Variants in LARP4B observed in about 807,000 individuals in gnomAD.
LARP4B encodes la-related protein 4B.
LARP4B carries 12 observed loss-of-function variants against 89.8 expected under a neutral mutation model. The observed-to-expected ratio is 0.13, with a 90% CI of 0.09 to 0.22. LARP4B has a LOEUF of 0.22. Among genes scored for constraint, LARP4B ranks in the 10% least tolerant of loss-of-function variants. LARP4B has a pLI of 1.00. For missense variants in LARP4B, 757 were observed against 947.7 expected (o/e 0.80, Z 2.64); for synonymous variants, 367 against 363.3 (o/e 1.01, Z -0.12).
the LARP4B span, among the ~76,000 whole-genome samples, chr10:940,883 C>T: frequency 1.3e-5 from 2 of 151,722 alleles, no homozygotes; most frequent in Admixed American, 6.6e-5. Context: ...CTAAACACTG[C>T]AGAGAATGTT....
the LARP4B span, among the ~76,000 whole-genome samples, chr10:951,655 G>A: frequency 6.6e-6 from 1 of 152,184 alleles, no homozygotes; most frequent in African/African-American, 2.4e-5. Flanking sequence ...CCAGGGTGAT[G>A]TTGCATCCCA....
intron 5 of LARP4B, among the ~76,000 whole-genome samples, chr10:847,578 G>C (rs529800800): frequency 1.2e-3 from 186 of 151,718 alleles, no homozygotes; most frequent in African/African-American, 4.0e-3. Context: ...GAGTGCAGTA[G>C]CGCGATCTTG....
the LARP4B span, among the ~76,000 whole-genome samples, chr10:954,252 C>A: frequency 6.6e-6 from 1 of 152,108 alleles, no homozygotes; most frequent in East Asian, 1.9e-4. This position sits in a 1 kb window ranked among gnomAD's most constrained non-coding sequence, Gnocchi z 5.0. Context: ...TGTCCACCAG[C>A]CCGTCTTTTA....
chr10:894,357 T>C (rs977807245), intron 1 of LARP4B, among the ~76,000 whole-genome samples: 2 of 152,142 alleles, frequency 1.3e-5, no homozygotes, highest in African/African-American at 4.8e-5. Context: ...ATCATCTAAA[T>C]CCAAAATGTA....
At position 813,053 on chromosome 10, in the gene LARP4B, G is replaced by C. The variant is rs769904993; in HGVS notation, c.2090C>G (p.Pro697Arg). ...AEPAERYREP[P>R]ALKSTPGAPR... ...GGCTCCAGGTGTGGACTTGAGGGCT[G>C]GGGGCTCCCGGTATCTCTCTGCGGG... Residue 697 changes from proline to arginine, a missense_variant, in exon 18 of 18, where the codon CCA becomes CGA. Pro to Arg is a moderately radical substitution (Grantham distance 103). Transcript: ENST00000316157. 8 of 1,613,788 alleles carry C rather than the reference G, an allele frequency of 5.0e-6. No homozygotes were observed. The highest frequency in any genetic ancestry group is 4.2e-6 in the Non-Finnish European group (5 of 1,179,986).
At chr10:952,117 T>C in the LARP4B span, among the ~76,000 whole-genome samples, 1 of 151,362 alleles carries the variant, frequency 6.6e-6, no homozygotes, top group Non-Finnish European at 1.5e-5. Flanking sequence ...AGTGGGTGGA[T>C]CACAAGGTCA....
chr10:901,999 G>A (rs1564438275), intron 1 of LARP4B, among the ~76,000 whole-genome samples: 3 of 152,062 alleles, frequency 2.0e-5, no homozygotes, highest in African/African-American at 7.2e-5. Flanking sequence ...AATTTAGAAC[G>A]TGTCTACTAA....
chr10:849,697 C>T (rs566037489), intron 5 of LARP4B, among the ~76,000 whole-genome samples: 11 of 152,064 alleles, frequency 7.2e-5, no homozygotes, highest in Non-Finnish European at 1.2e-4. Flanking sequence ...AGTGAGAAAC[C>T]CAGTAAACAG....
At chr10:839,703 C>G (rs942967218) in intron 7 of LARP4B, among the ~76,000 whole-genome samples, 1 of 152,174 alleles carries the variant, frequency 6.6e-6, no homozygotes, top group African/African-American at 2.4e-5. Flanking sequence ...GGTGGCCAAC[C>G]GTAAAATGGT....
chr10:934,825 C>T (rs1221915872), upstream of LARP4B, among the ~76,000 whole-genome samples: 4 of 152,190 alleles, frequency 2.6e-5, no homozygotes, highest in African/African-American at 7.2e-5. Context: ...TCCTTCTCCC[C>T]GTCCCCCCAG....
In LARP4B at chr10:845,018, G is replaced by A. The variant is rs188259791; in HGVS notation, c.468C>T (p.Pro156=). Residue 156 remains proline (P), a synonymous_variant, in exon 6 of 18, where the codon CCC becomes CCT. Coordinates refer to ENST00000316157, the MANE Select transcript of LARP4B (RefSeq NM_015155.3). ...NESQPDSQED[P]REVLKKTLEF... ...CCAATGTTTTTTTAAGTACTTCTCG[G>A]GGGTCTTCCTGGCTGTCTGGTTGAG... 2.5e-6 allele frequency: 4 copies of A among 1,611,070 alleles called. No homozygotes were observed. The Admixed American group carries it at 5.0e-5, about 20-fold the overall frequency.
rs774724850 is a variant in LARP4B at position 825,094 on chromosome 10, G to C, written c.1455C>G (p.Leu485=). The C allele has an allele frequency of 6.2e-7, 1 of 1,614,168 alleles. No homozygotes were observed. Among genetic ancestry groups the C allele is most frequent in the Non-Finnish European group, 8.5e-7 (1 of 1,180,024 alleles). ...AGPGRVEPGS[L]ESSPGLGRGR... is the part of the protein sequence containing the mutation. Reference sequence around the variant, plus strand: ...CCCTCCCTAAACCAGGAGAGGATTCGAGACTGCCTGGCTCCACACGCCCAG... The same window carrying C: ...CCCTCCCTAAACCAGGAGAGGATTCCAGACTGCCTGGCTCCACACGCCCAG... Residue 485 remains leucine (L), a synonymous_variant, in exon 13 of 18, where the codon CTC becomes CTG. Transcript: ENST00000316157.
intron 15 of LARP4B, chr10:815,665 C>T (rs1282818534): frequency 6.6e-6 from 1 of 152,262 alleles, no homozygotes; most frequent in African/African-American, 2.4e-5. Context: ...TCCCTCCTTA[C>T]TCCAGCCAGC....
chr10:975,990 C>T, the LARP4B span, among the ~76,000 whole-genome samples: 5 of 123,118 alleles, frequency 4.1e-5, no homozygotes, highest in East Asian at 7.7e-4. Context: ...AGGCCTGTCA[C>T]GTAATGTGTG....
Position 884,452 on chromosome 10 carries a change from T to C in LARP4B, c.136A>G (p.Ser46Gly). 2 of 1,599,160 alleles carry C rather than the reference T, an allele frequency of 1.3e-6. No homozygotes were observed. Among genetic ancestry groups the C allele is most frequent in the East Asian group, 2.2e-5 (1 of 44,714 alleles). The part of the protein sequence containing the change: ...TSQTSSIPPL[S>G]QVPATKVSEL... Reference sequence around the variant, plus strand: ...TAATCTCAAAATTGAATTACCTGACTCAAAGGTGGGATGGAACTTGTCTGA... The same window carrying C: ...TAATCTCAAAATTGAATTACCTGACCCAAAGGTGGGATGGAACTTGTCTGA... The change falls in exon 3 of 18, where the codon AGT becomes GGT. Residue 46 changes from serine (S) to glycine (G), a missense_variant. Around this residue, in one of 5 missense-constraint regions of LARP4B, gnomAD observed 175 missense variants for 187.0 expected, o/e 0.94. Transcript: ENST00000316157.
intron 15 of LARP4B, 143 bp downstream of exon 15, chr10:817,582 G>C (rs1016618705): frequency 3.9e-5 from 30 of 774,888 alleles, no homozygotes; most frequent in Middle Eastern, 4.9e-4. Flanking sequence ...CTCCAAATCT[G>C]TGTGACCTCT....
chr10:817,430 C>G (rs1053274517), intron 15 of LARP4B, among the ~76,000 whole-genome samples: 2 of 152,158 alleles, frequency 1.3e-5, no homozygotes, highest in African/African-American at 4.8e-5. Context: ...CAGGTCTGAA[C>G]TACAACAATG....
intron 1 of LARP4B, among the ~76,000 whole-genome samples, chr10:924,627 C>G (rs774481263): frequency 6.6e-6 from 1 of 152,242 alleles, no homozygotes; most frequent in Non-Finnish European, 1.5e-5. Context: ...TCCTTCAAAG[C>G]ACTCTGCACC....
chr10:881,503 C>T (rs1195072582), intron 3 of LARP4B, among the ~76,000 whole-genome samples: 1 of 152,204 alleles, frequency 6.6e-6, no homozygotes, highest in Non-Finnish European at 1.5e-5. Context: ...CTCTGGTTTT[C>T]CTCCCATCCC....
Sources: gnomAD v4.1 joint callset for allele counts (sites outside exome capture counted in the v4.1 genomes callset) on GRCh38, gnomAD v4.1.1 for gene constraint, gnomAD v4.1.1 regional missense constraint, Gnocchi (gnomAD v3.1) non-coding constraint, MANE v1.5 for transcripts, NCBI Gene and HGNC (gene_info 2026-07-23, HGNC 2026-07-21) for gene names.